FBLN2: variants seen among roughly 807,000 people sequenced by gnomAD.
The protein encoded by FBLN2 is fibulin 2.
FBLN2 carries 81 observed loss-of-function variants against 123.7 expected under a neutral mutation model. The observed-to-expected ratio is 0.65, with a 90% CI of 0.55 to 0.79. The LOEUF (loss-of-function observed/expected upper bound fraction) is 0.79, where lower values mean the gene tolerates loss of function less well. Among genes scored for constraint, FBLN2 ranks in the 30% least tolerant of loss-of-function variants. The pLI, the probability that FBLN2 is intolerant of heterozygous loss-of-function variation, is 0.00. For synonymous variants in FBLN2, 699 were observed against 701.4 expected, an observed-to-expected ratio of 1.00 and a Z score of 0.05; for missense variants, 1,603 against 1,681.3, an observed-to-expected ratio of 0.95 and a Z score of 0.81.
chr3:13,561,927 C>T (rs1175847174), intron 1 of FBLN2, among the ~76,000 whole-genome samples: 1 of 152,212 alleles, frequency 6.6e-6, no homozygotes, highest in African/African-American at 2.4e-5. Flanking sequence ...CTGTCTGGGC[C>T]TCAGTTTCCT....
At chr3:13,600,046 C>CGATAGA (rs1704977150) in intron 2 of FBLN2, among the ~76,000 whole-genome samples, 2 of 128,156 alleles carry the variant, frequency 1.6e-5, no homozygotes, top group Non-Finnish European at 3.3e-5. Flanking sequence ...AGAGAGAGAG[C>CGATAGA]GAGAGAGAGA....
At chr3:13,629,422 G>A (rs537494224) in intron 13 of FBLN2, 130 bp downstream of exon 13, 11 of 1,288,396 alleles carry the variant, frequency 8.5e-6, no homozygotes, top group African/African-American at 4.5e-5. Flanking sequence ...CCACAAGGTC[G>A]CCTTCCAGCT....
Position 13,637,592 on chromosome 3 carries a change from C to A in FBLN2, c.3369C>A (p.Phe1123Leu). The A allele has an allele frequency of 6.2e-7, 1 of 1,612,378 alleles. No homozygotes were observed. Among genetic ancestry groups the A allele is most frequent in the Non-Finnish European group, 8.5e-7 (1 of 1,178,826 alleles). ...TKCERTTCHD[F>L]LECQNSPARI... ...GCGAGCGCACCACGTGCCATGACTT[C>A]CTGGAGTGCCAGAACTCGCCAGCGC... The change falls in exon 18 of 18, where the codon TTC (phenylalanine) becomes TTA (leucine). Residue 1123 changes from phenylalanine to leucine, a missense_variant. Transcript: ENST00000404922.
Position 13,614,135 on chromosome 3 carries a change from C to T in FBLN2, c.1700C>T (p.Pro567Leu), listed in dbSNP as rs1705498024. 6.2e-7 allele frequency: 1 copy of T among 1,612,818 alleles called. No homozygotes were observed. The highest frequency in any genetic ancestry group is 8.5e-7 in the Non-Finnish European group (1 of 1,179,876). ...CTCATAGTACCTGAGGTTCGCCGAC[C>T]TCCAGAGCCCGCAGCTGCACCACGG... The part of the protein sequence containing the change: ...EPLIVPEVRR[P>L]PEPAAAPRRV... The change falls in exon 5 of 18, where the codon CCT becomes CTT. Residue 567 changes from proline (P) to leucine (L), a missense_variant. Transcript: ENST00000404922.
At position 13,576,468 on chromosome 3, in the gene FBLN2, G is replaced by GCATC. The variant is rs568614811; in HGVS notation, c.1306+4810_1306+4813dup. Among the ~76,000 whole-genome samples the GCATC allele has an allele frequency of 4.5e-3, 681 of 152,352 alleles. 3 individuals are homozygous for GCATC. Among genetic ancestry groups the GCATC allele is most frequent in the South Asian group, 0.037 (180 of 4,832 alleles). Reference sequence around the variant, plus strand: ...TGATATGGGATTGAACAAGACACAGGCATCCAACTGTGGGGACAGATCTCT... The same window carrying GCATC: ...TGATATGGGATTGAACAAGACACAGGCATCCATCCAACTGTGGGGACAGATCTCT... On this transcript the variant is annotated intron_variant, in intron 2 of 17. Coordinates refer to ENST00000404922, the MANE Select transcript of FBLN2 (RefSeq NM_001004019.2).
chr3:13,621,735 C>T, intron 8 of FBLN2, 40 bp from the exon 9 acceptor site: 1 of 1,611,538 alleles, frequency 6.2e-7, no homozygotes, highest in Non-Finnish European at 8.5e-7. Flanking sequence ...CCATGTCCCT[C>T]TAACAGTCCT....
At chr3:13,588,286 G>A (rs1704570116) in intron 2 of FBLN2, among the ~76,000 whole-genome samples, 1 of 152,212 alleles carries the variant, frequency 6.6e-6, no homozygotes, top group Non-Finnish European at 1.5e-5. Flanking sequence ...GCCCAGGTGT[G>A]TAGTAGTCTA....
At chr3:13,600,217 C>T (rs1259168019) in intron 2 of FBLN2, among the ~76,000 whole-genome samples, 2 of 152,082 alleles carry the variant, frequency 1.3e-5, no homozygotes, top group Non-Finnish European at 2.9e-5. Context: ...AGGGTACTCA[C>T]TCATCGTGCT....
rs1461421643 is a variant in FBLN2 at position 13,627,777 on chromosome 3, A to G, written c.2432-55A>G. Reference sequence around the variant, plus strand: ...CGGGGATGTGTGGGCAGGGCTGCTGAGTGTAAAGGCAGGACCTGCCCCCCA... The same window carrying G: ...CGGGGATGTGTGGGCAGGGCTGCTGGGTGTAAAGGCAGGACCTGCCCCCCA... On this transcript the variant is annotated intron_variant, in intron 10 of 17. Transcript: ENST00000404922. The G allele has an allele frequency of 1.5e-5, 23 of 1,550,456 alleles. No individual in the cohort carries two copies. The East Asian group carries it at 5.2e-4, about 35-fold the overall frequency.
At chr3:13,551,949 ATCC>A (rs1703335173) in intron 1 of FBLN2, among the ~76,000 whole-genome samples, 1 of 150,192 alleles carries the variant, frequency 6.7e-6, no homozygotes, top group Admixed American at 6.7e-5. Context: ...GGCTCAAGTG[ATCC>A]TCCAGCCTCA....
rs150237264 is a variant in FBLN2, at chr3:13,604,919, G to A, written c.1307-3143G>A. Among the ~76,000 whole-genome samples the A allele has an allele frequency of 2.5e-4, 38 of 152,360 alleles. No homozygotes were observed. The East Asian group carries it at 6.2e-3, about 25-fold the overall frequency. ...GCTCCGGTTGGAGTGTGCAGGTGCC[G>A]TCCTTCACGGCATCTATCCCTCAGC... is the stretch of plus-strand genomic sequence containing the variant. On this transcript the variant is annotated intron_variant, in intron 2 of 17. Coordinates refer to ENST00000404922, the MANE Select transcript of FBLN2 (RefSeq NM_001004019.2).
chr3:13,627,106 A>G (rs1388046494), intron 10 of FBLN2, among the ~76,000 whole-genome samples: 1 of 151,828 alleles, frequency 6.6e-6, no homozygotes, highest in Non-Finnish European at 1.5e-5. Context: ...ACAGGCAAAC[A>G]GAGATGGCAG....
intron 16 of FBLN2, 125 bp from the exon 17 acceptor site, chr3:13,636,320 G>C (rs1706465493): frequency 8.5e-7 from 1 of 1,180,480 alleles, no homozygotes; most frequent in Admixed American, 2.5e-5. Flanking sequence ...TGTGTGCAGG[G>C]AGGCACGCGG....
At chr3:13,628,800 G>A in intron 11 of FBLN2, 105 bp from the exon 12 acceptor site, 1 of 1,360,412 alleles carries the variant, frequency 7.4e-7, no homozygotes, top group Non-Finnish European at 1.0e-6. Context: ...GACCAGGGCA[G>A]GTCTGGAGCC....
At position 13,614,097 on chromosome 3, in the gene FBLN2, G is replaced by T. The variant is rs755561698; in HGVS notation, c.1662G>T (p.Glu554Asp). ...PCNHVMLSCCEGEEPLIVPEV... is the reference protein window; with the variant it reads ...PCNHVMLSCCDGEEPLIVPEV... ...ATCATGTCATGCTCTCCTGCTGTGAGGGTGAAGAGCCTCTCATAGTACCTG... is the reference window on the plus strand; with the variant it reads ...ATCATGTCATGCTCTCCTGCTGTGATGGTGAAGAGCCTCTCATAGTACCTG... Residue 554 changes from glutamate (E) to aspartate (D), a missense_variant, in exon 5 of 18, where the codon GAG (glutamate) becomes GAT (aspartate). By Grantham distance (45) the Glu-to-Asp change is conservative (BLOSUM62 2). Transcript: ENST00000404922. The T allele has an allele frequency of 6.8e-6, 11 of 1,613,602 alleles. No individual in the cohort carries two copies. In the African/African-American group the frequency reaches 1.1e-4, roughly 16 times the overall value.
At chr3:13,608,241 A>G in intron 3 of FBLN2, 68 bp downstream of exon 3, 3 of 1,177,220 alleles carry the variant, frequency 2.5e-6, no homozygotes, top group African/African-American at 1.5e-5. Flanking sequence ...CTTGCCTAGG[A>G]CCCCAGGCTC....
At chr3:13,579,096 C>T (rs575015207) in intron 2 of FBLN2, among the ~76,000 whole-genome samples, 1 of 152,276 alleles carries the variant, frequency 6.6e-6, no homozygotes, top group East Asian at 1.9e-4. Context: ...AGAGCGACTG[C>T]ACCATTTTAC....
intron 2 of FBLN2, among the ~76,000 whole-genome samples, chr3:13,578,204 T>C (rs892628210): frequency 2.6e-5 from 4 of 152,240 alleles, no homozygotes; most frequent in African/African-American, 9.6e-5. Flanking sequence ...TATTGAGATA[T>C]TATTTGCATG....
chr3:13,619,765 G>A lies in FBLN2; in HGVS notation c.2089G>A (p.Gly697Arg), dbSNP rs1431764799. Reference sequence around the variant, plus strand: ...CTGCAAGCAGGTGTGCAGCACTGTTGGGGGCTCAGCCATATGCTCCTGTTT... The same window carrying A: ...CTGCAAGCAGGTGTGCAGCACTGTTAGGGGCTCAGCCATATGCTCCTGTTT... ...GPCKQVCSTV[G>R]GSAICSCFPG... The change falls in exon 8 of 18, where the codon GGG becomes AGG. Residue 697 changes from glycine to arginine, a missense_variant. Transcript: ENST00000404922. 6 of 1,613,214 alleles carry A rather than the reference G, an allele frequency of 3.7e-6. No individual in the cohort carries two copies. The South Asian group carries it at 4.4e-5, about 12-fold the overall frequency.
Sources: gnomAD v4.1 joint callset for allele counts (sites outside exome capture counted in the v4.1 genomes callset) on GRCh38, gnomAD v4.1.1 for gene constraint, MANE v1.5 for transcripts, NCBI Gene and HGNC (gene_info 2026-07-23, HGNC 2026-07-21) for gene names.